The following SKIC3 variants were observed in gnomAD, a reference collection of about 807,000 sequenced individuals.
The protein encoded by SKIC3 is SKI3 subunit of superkiller complex.
At chr5:95,531,860 A>C in the SKIC3 span, among the ~76,000 whole-genome samples, 5 of 152,172 alleles carry the variant, frequency 3.3e-5, no homozygotes, top group Non-Finnish European at 7.4e-5. Context: ...TGGAGAGTAC[A>C]GACCAGCATG....
the SKIC3 span, among the ~76,000 whole-genome samples, chr5:95,505,262 T>C: frequency 6.6e-6 from 1 of 152,058 alleles, no homozygotes. Context: ...AGGATATGAA[T>C]GGGGGCTAAA....
the SKIC3 span, chr5:95,464,517 TA>T: frequency 7.7e-5 from 79 of 1,029,470 alleles, no homozygotes; most frequent in South Asian, 1.0e-3. Flanking sequence ...AAATATAGTT[TA>T]AAAAAATGTT....
At chr5:95,503,868 T>G in the SKIC3 span, 1 of 1,613,968 alleles carries the variant, frequency 6.2e-7, no homozygotes, top group Non-Finnish European at 8.5e-7. Flanking sequence ...GCAAAACCTA[T>G]GATGTCTTCT....
At chr5:95,507,920 C>T in the SKIC3 span, among the ~76,000 whole-genome samples, 2 of 140,906 alleles carry the variant, frequency 1.4e-5, no homozygotes, top group Non-Finnish European at 3.0e-5. Flanking sequence ...GCAATAATAA[C>T]GATACATACC....
chr5:95,502,852 G>C, the SKIC3 span: 1 of 1,610,974 alleles, frequency 6.2e-7, no homozygotes, highest in East Asian at 2.2e-5. Context: ...ATCTGGTCAT[G>C]TTAAGTGTTG....
At chr5:95,482,709 T>A in the SKIC3 span, 2 of 1,538,368 alleles carry the variant, frequency 1.3e-6, no homozygotes, top group Admixed American at 3.5e-5. Flanking sequence ...TTCTCCAAGT[T>A]GGGAAAATAA....
chr5:95,497,711 G>A, the SKIC3 span, among the ~76,000 whole-genome samples: 462 of 152,222 alleles, frequency 3.0e-3, no homozygotes, highest in Non-Finnish European at 5.8e-3. Context: ...AACAATGGAT[G>A]ATTATAAAGT....
the SKIC3 span, among the ~76,000 whole-genome samples, chr5:95,514,545 A>G: frequency 6.6e-6 from 1 of 152,342 alleles, no homozygotes; most frequent in African/African-American, 2.4e-5. Context: ...CAGTAATGTC[A>G]GACTGGTAAG....
chr5:95,522,995 TA>T, the SKIC3 span, among the ~76,000 whole-genome samples: 1 of 152,184 alleles, frequency 6.6e-6, no homozygotes, highest in Non-Finnish European at 1.5e-5. Context: ...TTCAATTCAC[TA>T]ATCTGGCTAT....
At chr5:95,467,573 C>T in the SKIC3 span, among the ~76,000 whole-genome samples, 1 of 152,004 alleles carries the variant, frequency 6.6e-6, no homozygotes, top group Non-Finnish European at 1.5e-5. Context: ...CCAAAGAGCC[C>T]CAGCTTTTGA....
At chr5:95,515,094 C>A in the SKIC3 span, 3 of 621,270 alleles carry the variant, frequency 4.8e-6, no homozygotes, top group South Asian at 5.4e-5. Flanking sequence ...TTTAACTACA[C>A]AGTTCTGGAA....
chr5:95,525,453 C>T, the SKIC3 span: 13 of 1,613,932 alleles, frequency 8.1e-6, 1 homozygote, highest in African/African-American at 1.5e-4. Context: ...GCCTCAAGGG[C>T]ATGAACTTCA....
the SKIC3 span, chr5:95,482,661 T>A: frequency 6.2e-7 from 1 of 1,612,258 alleles, no homozygotes; most frequent in African/African-American, 1.3e-5. Flanking sequence ...GAGGAACACA[T>A]CAAATAGGTT....
the SKIC3 span, chr5:95,516,264 A>G: frequency 7.0e-7 from 1 of 1,420,618 alleles, no homozygotes; most frequent in Non-Finnish European, 9.9e-7. Context: ...GTGCAAAAAC[A>G]TTTCTCCACA....
the SKIC3 span, chr5:95,525,724 A>G: frequency 6.5e-7 from 1 of 1,550,370 alleles, no homozygotes; most frequent in Non-Finnish European, 8.9e-7. Context: ...ACACAACCAC[A>G]GCAATGTTTG....
chr5:95,517,132 T>A, the SKIC3 span: 1 of 1,613,476 alleles, frequency 6.2e-7, no homozygotes. Flanking sequence ...TAACTGGCAA[T>A]CTTTGCAAAT....
chr5:95,471,735 T>A, the SKIC3 span, among the ~76,000 whole-genome samples: 1 of 152,146 alleles, frequency 6.6e-6, no homozygotes, highest in Non-Finnish European at 1.5e-5. Context: ...TACTAGAAAT[T>A]TGCATTTAAC....
At chr5:95,464,924 C>CTTTTTTTTT in the SKIC3 span, among the ~76,000 whole-genome samples, 1 of 106,990 alleles carries the variant, frequency 9.3e-6, no homozygotes, top group African/African-American at 3.8e-5. Flanking sequence ...ATTCTGATTG[C>CTTTTTTTTT]TTTTTTTTTT....
chr5:95,480,107 A>T, the SKIC3 span, among the ~76,000 whole-genome samples: 7 of 152,122 alleles, frequency 4.6e-5, no homozygotes, highest in Non-Finnish European at 8.8e-5. Context: ...TAAATTATAG[A>T]CCTAAACATG....
Sources: allele counts gnomAD v4.1 joint callset (sites outside exome capture counted in the v4.1 genomes callset), GRCh38; gene constraint gnomAD v4.1.1; transcripts MANE v1.5; gene names NCBI Gene and HGNC (gene_info 2026-07-23, HGNC 2026-07-21).